MYO5B: variants seen among roughly 807,000 people sequenced by gnomAD.
MYO5B encodes the protein myosin VB.
Under a neutral mutation model 229.3 loss-of-function variants are expected in MYO5B, and 143 were observed. That is an observed-to-expected ratio of 0.62 (90% confidence interval 0.54 to 0.72). The LOEUF is 0.72. Ranked by LOEUF, MYO5B falls within the 30% of genes least tolerant of loss-of-function variation. The pLI, the probability that MYO5B is intolerant of heterozygous loss-of-function variation, is 0.00. For missense variants in MYO5B, 2,321 were observed against 2,331.0 expected (o/e 1.00, Z 0.09); for synonymous variants, 918 against 885.2 (o/e 1.04, Z -0.66).
In MYO5B at chr18:49,822,895, A is replaced by G. The variant is rs1449981184; in HGVS notation, c.*3576T>C. 1 of 152,358 alleles carries G rather than the reference A, an allele frequency of 6.6e-6. No homozygotes were observed. The highest frequency in any genetic ancestry group is 1.9e-4 in the East Asian group (1 of 5,194). The allele number at this position is 152,358 out of a possible 1,614,324, so 9.4% of individuals were successfully genotyped here. ...CTATTACAAGCATTTTTCTATAAAC[A>G]AAGGTGTAGTTTACAGATTTGTGCA... On this transcript the variant is annotated 3_prime_UTR_variant, in exon 40 of 40. Coordinates refer to ENST00000285039, the MANE Select transcript of MYO5B (RefSeq NM_001080467.3).
intron 1 of MYO5B, among the ~76,000 whole-genome samples, chr18:50,145,316 T>G (rs775320412): frequency 2.6e-5 from 4 of 151,410 alleles, no homozygotes; most frequent in Admixed American, 2.0e-4. Context: ...TGAAACCCCG[T>G]CTCTACTAAA....
At chr18:50,131,061 G>C (rs769594986) in intron 1 of MYO5B, among the ~76,000 whole-genome samples, 3 of 152,140 alleles carry the variant, frequency 2.0e-5, no homozygotes, top group Non-Finnish European at 4.4e-5. Context: ...TGATGAACAG[G>C]AATCAAGTTC....
At position 49,999,714 on chromosome 18, in the gene MYO5B, TC is replaced by T. The variant is rs750097784; in HGVS notation, c.612+1540del. Among the ~76,000 whole-genome samples, 9 of 152,346 alleles carry T rather than the reference TC, an allele frequency of 5.9e-5. No homozygotes were observed. The South Asian group carries it at 1.9e-3, about 32-fold the overall frequency. On this transcript the variant is annotated intron_variant, in intron 5 of 39. Transcript: ENST00000285039. The stretch of plus-strand genomic sequence containing the variant: ...TATCTTTTTAATAGGTCAGTGGTTC[TC>T]CAAGTGTGGTACCCAGACGGGCAAC...
chr18:50,084,723 T>C (rs553636621), intron 1 of MYO5B, among the ~76,000 whole-genome samples: 12 of 152,138 alleles, frequency 7.9e-5, no homozygotes, highest in African/African-American at 2.7e-4. Context: ...GAGACACAGA[T>C]CAATGGAACA....
At chr18:49,956,027 G>T (rs141491024) in intron 12 of MYO5B, among the ~76,000 whole-genome samples, 1 of 152,188 alleles carries the variant, frequency 6.6e-6, no homozygotes, top group Non-Finnish European at 1.5e-5. Flanking sequence ...AGAAGACTTC[G>T]TAATCCTGCA....
Position 49,843,090 on chromosome 18 carries a change from G to A in MYO5B, c.4611+151C>T, listed in dbSNP as rs937495775. 1.2e-5 allele frequency: 12 copies of A among 1,013,384 alleles called. No individual in the cohort carries two copies. The African/African-American group carries it at 1.7e-4, about 15-fold the overall frequency. The allele number at this position is 1,013,384 out of a possible 1,614,324, so 62.8% of individuals were successfully genotyped here. On this transcript the variant is annotated intron_variant, in intron 34 of 39. Coordinates refer to ENST00000285039, the MANE Select transcript of MYO5B (RefSeq NM_001080467.3). ...TCTCTGGGAACTGCCAGGCATCCTG[G>A]TTATATGGATGCTTCTGTGGCTCAT...
intron 20 of MYO5B, 134 bp from the exon 21 acceptor site, chr18:49,902,967 C>G (rs904841819): frequency 8.8e-7 from 1 of 1,138,766 alleles, no homozygotes; most frequent in African/African-American, 1.5e-5. Context: ...CAATGTGCCC[C>G]CTAAGATCTA....
At chr18:49,936,718 T>A in intron 15 of MYO5B, among the ~76,000 whole-genome samples, 1 of 152,126 alleles carries the variant, frequency 6.6e-6, no homozygotes. Context: ...GACCCTGACA[T>A]CCGATGCCTG....
intron 1 of MYO5B, among the ~76,000 whole-genome samples, chr18:50,079,518 C>A (rs115375172): frequency 2.6e-5 from 4 of 152,160 alleles, no homozygotes; most frequent in Admixed American, 6.5e-5. Context: ...AATTCTCCCC[C>A]CTTGAGGCAG....
intron 18 of MYO5B, among the ~76,000 whole-genome samples, chr18:49,911,330 G>A (rs1208753892): frequency 6.6e-6 from 1 of 152,142 alleles, no homozygotes; most frequent in Non-Finnish European, 1.5e-5. Flanking sequence ...TCAGGCTGGT[G>A]GGAAAAATGT....
chr18:50,064,422 A>G (rs997878081), intron 1 of MYO5B: 3 of 152,230 alleles, frequency 2.0e-5, no homozygotes, highest in African/African-American at 7.2e-5. Flanking sequence ...CAAGTAGCTA[A>G]AACTGTTAAA....
rs1281735071 is a variant in MYO5B at position 49,880,569 on chromosome 18, G to A, written c.3046-114C>T. 3.6e-5 allele frequency: 31 copies of A among 856,094 alleles called. 1 individual carries two copies. Among genetic ancestry groups the A allele is most frequent in the South Asian group, 3.5e-4 (26 of 73,802 alleles). 53.0% of individuals were successfully genotyped at this position (856,094 alleles called of 1,614,324 possible). A position where few individuals can be genotyped will look rare whatever the true frequency, so the allele number is the denominator to read the frequency against. Reference sequence around the variant, plus strand: ...TGTAAATGCTCTTTTTAAGAAAATTGATTTGGTTAAAGCTTCTTTTGTTTT... The same window carrying A: ...TGTAAATGCTCTTTTTAAGAAAATTAATTTGGTTAAAGCTTCTTTTGTTTT... On this transcript the variant is annotated intron_variant, in intron 22 of 39. Coordinates refer to ENST00000285039, the MANE Select transcript of MYO5B (RefSeq NM_001080467.3).
intron 1 of MYO5B, among the ~76,000 whole-genome samples, chr18:50,083,375 G>T (rs2031262390): frequency 6.6e-6 from 1 of 152,078 alleles, no homozygotes; most frequent in Admixed American, 6.6e-5. Flanking sequence ...TCAAGCAGTG[G>T]GACAATTCCA....
intron 1 of MYO5B, among the ~76,000 whole-genome samples, chr18:50,121,537 C>A (rs2032057865): frequency 6.6e-6 from 1 of 150,404 alleles, no homozygotes; most frequent in East Asian, 2.0e-4. Context: ...TGCATTAAAA[C>A]AGGATTCAGT....
chr18:50,109,844 C>T (rs1209611977), intron 1 of MYO5B, among the ~76,000 whole-genome samples: 2 of 152,210 alleles, frequency 1.3e-5, no homozygotes, highest in African/African-American at 4.8e-5. Context: ...CATACTACAA[C>T]ATAAACACCC....
chr18:50,118,974 T>C (rs1390848911), intron 1 of MYO5B, among the ~76,000 whole-genome samples: 1 of 152,184 alleles, frequency 6.6e-6, no homozygotes, highest in Non-Finnish European at 1.5e-5. Flanking sequence ...TCAACCTTCC[T>C]GGGAAGCCAT....
chr18:49,898,004 ATACACAAATATCATTGTGT>A (rs2024799360), intron 21 of MYO5B, among the ~76,000 whole-genome samples: 1 of 152,210 alleles, frequency 6.6e-6, no homozygotes, highest in Non-Finnish European at 1.5e-5. Flanking sequence ...ATACGTTTAG[ATACACAAATATCATTGTGT>A]TACACCTGCC....
At chr18:49,906,284 A>T (rs1381623525) in intron 19 of MYO5B, 135 bp downstream of exon 19, 3 of 864,632 alleles carry the variant, frequency 3.5e-6, no homozygotes, top group Non-Finnish European at 5.6e-6. Context: ...GCCGAGGAAA[A>T]GCCAAGATGC....
At position 49,902,646 on chromosome 18, in the gene MYO5B, T is replaced by G; in HGVS notation, c.2759A>C (p.Asn920Thr). 1 of 1,613,444 alleles carries G rather than the reference T, an allele frequency of 6.2e-7. No homozygotes were observed. Among genetic ancestry groups the G allele is most frequent in the Non-Finnish European group, 8.5e-7 (1 of 1,180,024 alleles). Residue 920 changes from asparagine (N) to threonine (T), a missense_variant, in exon 21 of 40, where the codon AAC becomes ACC. This residue lies in a region of MYO5B where 2,113 missense variants were observed against 2,044.7 expected (regional missense o/e 1.03). Coordinates refer to ENST00000285039, the MANE Select transcript of MYO5B (RefSeq NM_001080467.3). ...ARSAEHLKRL[N>T]VGMENKVVQL... ...GACCACCTTGTTCTCCATGCCCACG[T>G]TGAGACGTTTCAGATGCTCTGCTGA...
Sources: allele counts gnomAD v4.1 joint callset (sites outside exome capture counted in the v4.1 genomes callset), GRCh38; gene constraint gnomAD v4.1.1; regional missense constraint gnomAD v4.1.1; transcripts MANE v1.5; gene names NCBI Gene and HGNC (gene_info 2026-07-23, HGNC 2026-07-21).